FIGN: variants seen among roughly 807,000 people sequenced by gnomAD.
FIGN encodes fidgetin, microtubule severing factor.
FIGN carries 11 observed loss-of-function variants against 51.3 expected under a neutral mutation model. The observed-to-expected ratio is 0.21, with a 90% CI of 0.13 to 0.35. The LOEUF is 0.35. Ranked by LOEUF, FIGN falls within the 10% of genes least tolerant of loss-of-function variation. The pLI is 1.00. For missense variants in FIGN, 857 were observed against 943.6 expected (o/e 0.91, Z 1.20); for synonymous variants, 407 against 363.2 (o/e 1.12, Z -1.37).
rs1691047044 is a variant in FIGN at position 163,604,709 on chromosome 2, A to G, written c.*4843T>C. 1 of 151,970 alleles carries G rather than the reference A, an allele frequency of 6.6e-6. No homozygotes were observed. Among genetic ancestry groups the G allele is most frequent in the Non-Finnish European group, 1.5e-5 (1 of 67,956 alleles). 9.4% of individuals were successfully genotyped at this position (151,970 alleles called of 1,614,324 possible). On this transcript the variant is annotated 3_prime_UTR_variant, in exon 3 of 3. Coordinates refer to ENST00000333129, the MANE Select transcript of FIGN (RefSeq NM_018086.4). ...ATACATCAGATGAAAAAAGAAAAAA[A>G]AGAAATGAATATTCTCTAGCAAGTG...
intron 2 of FIGN, among the ~76,000 whole-genome samples, chr2:163,619,827 T>C (rs1363822732): frequency 6.6e-6 from 1 of 152,088 alleles, no homozygotes; most frequent in Admixed American, 6.6e-5. Context: ...TTTCCTATAC[T>C]TAAAGTATAC....
intron 2 of FIGN, among the ~76,000 whole-genome samples, chr2:163,616,275 C>T (rs1048919987): frequency 1.5e-4 from 23 of 151,868 alleles, no homozygotes; most frequent in Admixed American, 7.9e-4. Context: ...AAATTTTAAA[C>T]AGTAATATAG....
chr2:163,702,316 A>G (rs1684421227), intron 2 of FIGN, among the ~76,000 whole-genome samples: 1 of 152,198 alleles, frequency 6.6e-6, no homozygotes. Flanking sequence ...GATAAGATAT[A>G]AAGAACTACA....
chr2:163,614,686 G>A (rs11674003), intron 2 of FIGN, among the ~76,000 whole-genome samples: 22,409 of 151,962 alleles, frequency 0.15, 1,856 homozygotes, highest in Middle Eastern at 0.2. Context: ...ACACACATAC[G>A]TACGCACACA....
chr2:163,614,816 A>AT (rs891743210), intron 2 of FIGN, among the ~76,000 whole-genome samples: 1 of 152,018 alleles, frequency 6.6e-6, no homozygotes, highest in African/African-American at 2.4e-5. Context: ...GAAACTGCTT[A>AT]TTTTTTTAAA....
chr2:163,716,666 T>C (rs1227892824), intron 2 of FIGN, among the ~76,000 whole-genome samples: 1 of 152,194 alleles, frequency 6.6e-6, no homozygotes, highest in Non-Finnish European at 1.5e-5. Flanking sequence ...GTAAAATAAG[T>C]GTATAATTTA....
intron 2 of FIGN, among the ~76,000 whole-genome samples, chr2:163,725,363 T>C (rs1013978053): frequency 2.6e-5 from 4 of 152,086 alleles, no homozygotes; most frequent in African/African-American, 9.7e-5. Context: ...AGTATGCCAA[T>C]AGCAAAATAG....
rs73019703 is a variant in FIGN, at chr2:163,706,106, T to A, written c.25+28797A>T. Among the ~76,000 whole-genome samples, 787 of 152,286 alleles carry A rather than the reference T, an allele frequency of 5.2e-3. 5 individuals are homozygous for A. Among genetic ancestry groups the A allele is most frequent in the African/African-American group, 0.018 (750 of 41,574 alleles). On this transcript the variant is annotated intron_variant, in intron 2 of 2. Coordinates refer to ENST00000333129, the MANE Select transcript of FIGN (RefSeq NM_018086.4). ...GTGAAGCTCTATTCGTATTGCATAT[T>A]ACATATAGGTTACTTTTAATGCTCT...
At chr2:163,658,731 T>C (rs1417805655) in intron 2 of FIGN, among the ~76,000 whole-genome samples, 3 of 152,192 alleles carry the variant, frequency 2.0e-5, no homozygotes, top group Admixed American at 6.6e-5. Flanking sequence ...AGGAGGGATC[T>C]GCCTGCACAA....
intron 1 of FIGN, among the ~76,000 whole-genome samples, chr2:163,735,622 C>CA (rs1685002836): frequency 6.6e-6 from 1 of 152,128 alleles, no homozygotes; most frequent in Non-Finnish European, 1.5e-5. Flanking sequence ...GATTAAGCAG[C>CA]AAAAATATGC....
intron 2 of FIGN, among the ~76,000 whole-genome samples, chr2:163,618,610 C>CAA (rs951665664): frequency 1.4e-4 from 20 of 146,146 alleles, no homozygotes; most frequent in African/African-American, 5.0e-4. Flanking sequence ...AGATCCGTCT[C>CAA]AAAAAAAAAA....
intron 2 of FIGN, chr2:163,617,364 G>T: frequency 3.0e-6 from 1 of 335,830 alleles, no homozygotes; most frequent in Non-Finnish European, 4.2e-6. Context: ...AAAGCATTGT[G>T]GTTCAATGCT....
intron 2 of FIGN, among the ~76,000 whole-genome samples, chr2:163,688,988 C>A (rs1403420959): frequency 6.6e-6 from 1 of 151,878 alleles, no homozygotes; most frequent in Non-Finnish European, 1.5e-5. Context: ...AGTTCAAAAC[C>A]CTATCTCTTG....
chr2:163,719,775 GTAGCAT>G (rs1442226786), intron 2 of FIGN, among the ~76,000 whole-genome samples: 1 of 152,114 alleles, frequency 6.6e-6, no homozygotes, highest in East Asian at 1.9e-4. Context: ...CTTTGATCAC[GTAGCAT>G]ATCAAGACTA....
intron 2 of FIGN, among the ~76,000 whole-genome samples, chr2:163,663,716 C>T (rs1209659900): frequency 6.6e-6 from 1 of 151,596 alleles, no homozygotes; most frequent in East Asian, 2.0e-4. Context: ...AACCCCATCT[C>T]TACTAAAAAT....
Position 163,609,576 on chromosome 2 carries a change from G to A in FIGN, c.2256C>T (p.Asn752=), listed in dbSNP as rs1691184353. 6.2e-7 allele frequency: 1 copy of A among 1,609,566 alleles called. No individual in the cohort carries two copies. Among genetic ancestry groups the A allele is most frequent in the Non-Finnish European group, 8.5e-7 (1 of 1,177,596 alleles). ...QKELDMYVEW[N]KMFGCSQ ...ATCACTGACTGCAACCAAACATTTT[G>A]TTCCATTCAACATACATATCAAGCT... The change falls in exon 3 of 3, where the codon AAC becomes AAT. Residue 752 remains asparagine, a synonymous_variant. Transcript: ENST00000333129.
At chr2:163,679,294 C>A (rs1684020625) in intron 2 of FIGN, among the ~76,000 whole-genome samples, 1 of 151,908 alleles carries the variant, frequency 6.6e-6, no homozygotes, top group Non-Finnish European at 1.5e-5. Context: ...GAGATCAAGA[C>A]CATCGTGGGT....
In FIGN at chr2:163,611,646, C is replaced by G; in HGVS notation, c.186G>C (p.Leu62=). The G allele has an allele frequency of 6.2e-7, 1 of 1,614,190 alleles. No homozygotes were observed. Among genetic ancestry groups the G allele is most frequent in the South Asian group, 1.1e-5 (1 of 91,086 alleles). ...YAWANDDISA[L]TASNLLKKYA... is the part of the protein sequence containing the mutation. ...ATTTTTTTAGTAGGTTGGATGCAGTCAGAGCAGATATGTCATCATTCGCCC... is the reference window on the plus strand; with the variant it reads ...ATTTTTTTAGTAGGTTGGATGCAGTGAGAGCAGATATGTCATCATTCGCCC... Residue 62 remains leucine (L), a synonymous_variant, in exon 3 of 3, where the codon CTG becomes CTC. Transcript: ENST00000333129.
intron 2 of FIGN, among the ~76,000 whole-genome samples, chr2:163,662,505 AT>A (rs1451492241): frequency 6.6e-6 from 1 of 152,184 alleles, no homozygotes; most frequent in Non-Finnish European, 1.5e-5. Flanking sequence ...CCTAATGTTA[AT>A]CCCCAAGACC....
Sources: allele counts gnomAD v4.1 joint callset (sites outside exome capture counted in the v4.1 genomes callset), GRCh38; gene constraint gnomAD v4.1.1; transcripts MANE v1.5; gene names NCBI Gene and HGNC (gene_info 2026-07-23, HGNC 2026-07-21).